Variants in MYH14 observed in about 807,000 individuals in gnomAD.
MYH14 encodes myosin heavy chain 14.
MYH14 carries 123 observed loss-of-function variants against 255.5 expected under a neutral mutation model. That is an observed-to-expected ratio of 0.48 (90% CI 0.42 to 0.56). The LOEUF (loss-of-function observed/expected upper bound fraction) is 0.56. Among genes scored for constraint, MYH14 ranks in the 20% least tolerant of loss-of-function variants. The probability of loss-of-function intolerance (pLI) is 0.00; values close to 1 mark genes in which losing one functional copy is unlikely to be tolerated. For synonymous variants in MYH14, 1,095 were observed against 1,161.2 expected (o/e 0.94, Z 1.16); for missense variants, 2,423 against 2,802.3 (o/e 0.86, Z 3.06).
chr19:50,258,721 C>CAAAA (rs1160071813), intron 18 of MYH14: 31 of 33,820 alleles, frequency 9.2e-4, no homozygotes, highest in East Asian at 2.2e-3. Context: ...GACTCTGTCT[C>CAAAA]AAAAAAAAAA....
Position 50,263,306 on chromosome 19 carries a change from A to AC in MYH14, c.2586-3dup. The AC allele has an allele frequency of 6.5e-7, 1 of 1,541,024 alleles. No individual in the cohort carries two copies. The highest frequency in any genetic ancestry group is 8.8e-7 in the Non-Finnish European group (1 of 1,140,470). ...CACTCTGCCCCTCACCCATTTCCCC[A>AC]CCCAGGGCCTTCCAGAAGCGCCAGC... On this transcript the variant is annotated splice_region_variant and splice_polypyrimidine_tract_variant and intron_variant, in intron 21 of 42. Transcript: ENST00000642316.
Position 50,266,611 on chromosome 19 carries a change from A to C in MYH14, c.2695-266A>C, listed in dbSNP as rs976358700. On this transcript the variant is annotated intron_variant, in intron 22 of 42. Transcript: ENST00000642316. This position sits in a 1 kb window ranked among gnomAD's most constrained non-coding sequence, Gnocchi z 4.1. Reference sequence around the variant, plus strand: ...GAAGGAAGGAAGGACTGTTCCACAGAATAGCAGCAGCCACAGTACACAGTG... The same window carrying C: ...GAAGGAAGGAAGGACTGTTCCACAGCATAGCAGCAGCCACAGTACACAGTG... 3.3e-5 allele frequency among the ~76,000 whole-genome samples: 5 copies of C among 152,208 alleles called. No homozygotes were observed. The highest frequency in any genetic ancestry group is 2.1e-4 in the South Asian group (1 of 4,830).
rs1358744036 is a variant in MYH14, at chr19:50,280,730, C to A, written c.4290+347C>A. Among the ~76,000 whole-genome samples the A allele has an allele frequency of 2.0e-5, 3 of 152,134 alleles. No individual in the cohort carries two copies. The highest frequency in any genetic ancestry group is 7.2e-5 in the African/African-American group (3 of 41,424). On this transcript the variant is annotated intron_variant, in intron 32 of 42. Transcript: ENST00000642316. This position sits in a 1 kb window ranked among gnomAD's most constrained non-coding sequence, Gnocchi z 4.8. Reference sequence around the variant, plus strand: ...AGCTTCTTTCTTTACCTGGAGCTGACCCTGTCCCTCCTCTGCTCACAGCTC... The same window carrying A: ...AGCTTCTTTCTTTACCTGGAGCTGAACCTGTCCCTCCTCTGCTCACAGCTC...
intron 21 of MYH14, among the ~76,000 whole-genome samples, chr19:50,263,025 C>A (rs560985771): frequency 6.6e-6 from 1 of 152,158 alleles, no homozygotes; most frequent in East Asian, 1.9e-4. Flanking sequence ...CATGGCAAAA[C>A]CCCATCTCTA....
chr19:50,207,745 C>A (rs117868842), intron 1 of MYH14, among the ~76,000 whole-genome samples: 2 of 152,316 alleles, frequency 1.3e-5, no homozygotes, highest in Admixed American at 6.5e-5. Context: ...GGTCAGGGAA[C>A]CTGAATGACA....
rs778416774 is a variant in MYH14 at position 50,257,343 on chromosome 19, G to C, written c.2089G>C (p.Gly697Arg). 1 of 1,609,470 alleles carries C rather than the reference G, an allele frequency of 6.2e-7. No homozygotes were observed. Among genetic ancestry groups the C allele is most frequent in the South Asian group, 1.1e-5 (1 of 90,178 alleles). The part of the protein sequence containing the change: ...GLEQVSSLGD[G>R]PPGGRPRRGM... ...GGAACAGGTGAGCAGCCTGGGCGAC[G>C]GCCCACCAGGTGGCCGCCCCCGTCG... Residue 697 changes from glycine (G) to arginine (R), a missense_variant, in exon 18 of 43, where the codon GGC becomes CGC. Physicochemically the swap from Gly to Arg is moderately radical, Grantham distance 125 (BLOSUM62 -2). This residue lies in a region of MYH14 where 672 missense variants were observed against 881.8 expected (regional missense o/e 0.76). Transcript: ENST00000642316.
In MYH14 at chr19:50,254,078, G is replaced by A. The variant is rs199881108; in HGVS notation, c.1946-1142G>A. Among the ~76,000 whole-genome samples, 42 of 152,242 alleles carry A rather than the reference G, an allele frequency of 2.8e-4. No individual in the cohort carries two copies. The East Asian group carries it at 5.6e-3, about 20-fold the overall frequency. ...ACTAAAAATACAAAATTAGCTGGGC[G>A]TGGTGGCACATGCCTGTAATCCCAG... On this transcript the variant is annotated intron_variant, in intron 16 of 42. Transcript: ENST00000642316.
chr19:50,207,346 C>T (rs1292195955), intron 1 of MYH14, among the ~76,000 whole-genome samples: 1 of 139,348 alleles, frequency 7.2e-6, no homozygotes. Context: ...AGGAGGGGGC[C>T]ACGCAGCAGG....
chr19:50,271,332 A>G (rs2035291694), intron 24 of MYH14, 77 bp from the exon 25 acceptor site: 1 of 1,489,568 alleles, frequency 6.7e-7, no homozygotes, highest in Non-Finnish European at 9.1e-7. Flanking sequence ...TGGGCCAGCC[A>G]TCCCCGCTCC....
intron 25 of MYH14, 35 bp downstream of exon 25, chr19:50,271,581 TG>T: frequency 6.3e-7 from 1 of 1,588,888 alleles, no homozygotes; most frequent in Admixed American, 1.8e-5. Context: ...AAAGTGGGGA[TG>T]GGGTGCATTG....
At chr19:50,259,516 T>C (rs1034587508) in intron 19 of MYH14, among the ~76,000 whole-genome samples, 1 of 152,212 alleles carries the variant, frequency 6.6e-6, no homozygotes. Flanking sequence ...TGCTGCTGTT[T>C]AGGGCAGTAG....
intron 2 of MYH14, among the ~76,000 whole-genome samples, chr19:50,215,854 C>A (rs1463976469): frequency 6.6e-6 from 1 of 152,120 alleles, no homozygotes; most frequent in African/African-American, 2.4e-5. Context: ...CTGCTGCTAA[C>A]CAGCTTAGAA....
Position 50,280,759 on chromosome 19 carries a change from C to T in MYH14, c.4290+376C>T, listed in dbSNP as rs2035691532. 6.6e-6 allele frequency among the ~76,000 whole-genome samples: 1 copy of T among 152,220 alleles called. No homozygotes were observed. Among genetic ancestry groups the T allele is most frequent in the Non-Finnish European group, 1.5e-5 (1 of 68,044 alleles). Reference sequence around the variant, plus strand: ...GTCCCTCCTCTGCTCACAGCTCTCCCACGCCTCCCCAGTACTCCTAGACAA... The same window carrying T: ...GTCCCTCCTCTGCTCACAGCTCTCCTACGCCTCCCCAGTACTCCTAGACAA... On this transcript the variant is annotated intron_variant, in intron 32 of 42. Coordinates refer to ENST00000642316, the MANE Select transcript of MYH14 (RefSeq NM_001145809.2). The surrounding 1 kb of genome is among the most constrained non-coding windows in gnomAD (Gnocchi z 4.8).
intron 10 of MYH14, among the ~76,000 whole-genome samples, chr19:50,236,188 C>T (rs1202722409): frequency 2.0e-5 from 3 of 151,910 alleles, no homozygotes; most frequent in Non-Finnish European, 4.4e-5. Flanking sequence ...AAAAAATTAC[C>T]TGGGCGTGGT....
chr19:50,295,015 T>G (rs1197825968), intron 39 of MYH14, among the ~76,000 whole-genome samples: 1 of 44,206 alleles, frequency 2.3e-5, no homozygotes, highest in African/African-American at 4.4e-5. Flanking sequence ...GTTTTTTTTT[T>G]TTTTTTTTTT....
chr19:50,231,932 G>A lies in MYH14; in HGVS notation c.976G>A (p.Asp326Asn), dbSNP rs764524971. 2.0e-5 allele frequency: 33 copies of A among 1,613,726 alleles called. No individual in the cohort carries two copies. Among genetic ancestry groups the A allele is most frequent in the Middle Eastern group, 1.6e-4 (1 of 6,084 alleles). The change falls in exon 10 of 43, where the codon GAC becomes AAC. Residue 326 changes from aspartate to asparagine, a missense_variant and splice_region_variant. Physicochemically the swap from Asp to Asn is conservative, Grantham distance 23. This residue lies in a region of MYH14 where 672 missense variants were observed against 881.8 expected (regional missense o/e 0.76). Coordinates refer to ENST00000642316, the MANE Select transcript of MYH14 (RefSeq NM_001145809.2). Reference protein sequence around the residue: ...LGGAGEQLKADLLLEPCSHYR... With the variant: ...LGGAGEQLKANLLLEPCSHYR... Reference sequence around the variant, plus strand: ...GACCCCACTCATTGTCCCTGCAGCCGACCTCCTCCTCGAGCCCTGCTCCCA... The same window carrying A: ...GACCCCACTCATTGTCCCTGCAGCCAACCTCCTCCTCGAGCCCTGCTCCCA...
chr19:50,243,696 C>T (rs942587351), intron 10 of MYH14, among the ~76,000 whole-genome samples: 7 of 152,222 alleles, frequency 4.6e-5, no homozygotes, highest in African/African-American at 1.7e-4. Context: ...ATATTTCCTC[C>T]CTTTTGCACA....
chr19:50,255,463 C>T (rs954502107), intron 17 of MYH14, 145 bp downstream of exon 17: 5 of 663,006 alleles, frequency 7.5e-6, no homozygotes, highest in Non-Finnish European at 1.1e-5. Flanking sequence ...TGTTGGCTCC[C>T]TTGGAAGTTT....
Position 50,280,528 on chromosome 19 carries a change from C to G in MYH14, c.4290+145C>G. 1 of 839,814 alleles carries G rather than the reference C, an allele frequency of 1.2e-6. No individual in the cohort carries two copies. Among genetic ancestry groups the G allele is most frequent in the Non-Finnish European group, 1.8e-6 (1 of 556,372 alleles). 52.0% of individuals were successfully genotyped at this position (839,814 alleles called of 1,614,324 possible). Reference sequence around the variant, plus strand: ...CTTTCTCATCTCTGACTCCCCCTTACCCCCCACAGCCCATGCCCAGCCCTG... The same window carrying G: ...CTTTCTCATCTCTGACTCCCCCTTAGCCCCCACAGCCCATGCCCAGCCCTG... On this transcript the variant is annotated intron_variant, in intron 32 of 42. Transcript: ENST00000642316. This position sits in a 1 kb window ranked among gnomAD's most constrained non-coding sequence, Gnocchi z 4.8.
Sources: allele counts gnomAD v4.1 joint callset (sites outside exome capture counted in the v4.1 genomes callset), GRCh38; gene constraint gnomAD v4.1.1; regional missense constraint gnomAD v4.1.1; non-coding constraint Gnocchi (gnomAD v3.1); transcripts MANE v1.5; gene names NCBI Gene and HGNC (gene_info 2026-07-23, HGNC 2026-07-21).